The following ATP1A1 variants were observed in gnomAD, a reference collection of about 807,000 sequenced individuals.
The protein encoded by ATP1A1 is ATPase Na+/K+ transporting subunit alpha 1, also known as sodium/potassium-transporting ATPase subunit alpha-1.
In ATP1A1, 14 loss-of-function variants were observed where a neutral mutation model predicts 114.8. The ratio of observed to expected loss-of-function variants is 0.12; its 90% CI spans 0.08 to 0.19. ATP1A1 has a LOEUF of 0.19. ATP1A1 is among the 10% of genes least tolerant of loss of function. The probability of loss-of-function intolerance (pLI) is 1.00; values close to 1 mark genes in which losing one functional copy is unlikely to be tolerated. For missense variants in ATP1A1, 524 were observed against 1,290.7 expected (o/e 0.41, Z 9.10); for synonymous variants, 471 against 466.3 (o/e 1.01, Z -0.13).
Position 116,388,034 on chromosome 1 carries a change from C to G in ATP1A1, c.388-97C>G. 2 of 769,022 alleles carry G rather than the reference C, an allele frequency of 2.6e-6. No homozygotes were observed. The highest frequency in any genetic ancestry group is 5.2e-5 in the East Asian group (2 of 38,422). The allele number at this position is 769,022 out of a possible 1,614,324, so 47.6% of individuals were successfully genotyped here. A position where few individuals can be genotyped will look rare whatever the true frequency, so the allele number is the denominator to read the frequency against. On this transcript the variant is annotated intron_variant, in intron 4 of 22. Transcript: ENST00000295598. This position sits in a 1 kb window ranked among gnomAD's most constrained non-coding sequence, Gnocchi z 5.6. ...CTATATTTCTGAAATCTTGGTTTCTCTATTAAAAATCTGTTTTTTATTCAG... is the reference window on the plus strand; with the variant it reads ...CTATATTTCTGAAATCTTGGTTTCTGTATTAAAAATCTGTTTTTTATTCAG...
Position 116,392,876 on chromosome 1 carries a change from C to CT in ATP1A1, c.1356dup (p.Glu453Ter). 1 of 1,613,340 alleles carries CT rather than the reference C, an allele frequency of 6.2e-7. No individual in the cohort carries two copies. The highest frequency in any genetic ancestry group is 8.5e-7 in the Non-Finnish European group (1 of 1,179,698). ...CAGCGGGCAGTTGCAGGAGATGCCTCTGAGTCAGCACTCTTAAAGTGCATA... is the reference window on the plus strand; with the variant it reads ...CAGCGGGCAGTTGCAGGAGATGCCTCTTGAGTCAGCACTCTTAAAGTGCATA... On this transcript the variant is annotated frameshift_variant, in exon 11 of 23. Transcript: ENST00000295598. LOFTEE classifies it high-confidence loss of function.
Position 116,384,031 on chromosome 1 carries a change from T to A in ATP1A1, c.30T>A (p.Tyr10Ter). 2 of 1,614,102 alleles carry A rather than the reference T, an allele frequency of 1.2e-6. No homozygotes were observed. The highest frequency in any genetic ancestry group is 1.7e-6 in the Non-Finnish European group (2 of 1,179,986). Residue 10 changes from tyrosine to a stop codon, truncating the protein, a stop_gained, in exon 2 of 23, where the codon TAT becomes TAA. Transcript: ENST00000295598. LOFTEE classifies it high-confidence loss of function. This position sits in a 1 kb window ranked among gnomAD's most constrained non-coding sequence, Gnocchi z 5.1. The part of the protein sequence containing the change: MGKGVGRDK[Y>*]EPAAVSEQGD... ...TCCTACAGGTTGGACGTGATAAGTA[T>A]GAGCCTGCAGCTGTTTCAGAACAAG...
chr1:116,389,117 A>G lies in ATP1A1; in HGVS notation c.754+98A>G, dbSNP rs1237928961. ...CACAATCTCTTGTTTTATTGGCTCC[A>G]TTTCTGAGAACTTGTGTCAAGCACA... On this transcript the variant is annotated intron_variant, in intron 7 of 22. Coordinates refer to ENST00000295598, the MANE Select transcript of ATP1A1 (RefSeq NM_000701.8). This position sits in a 1 kb window ranked among gnomAD's most constrained non-coding sequence, Gnocchi z 6.9. The G allele has an allele frequency of 2.5e-6, 3 of 1,185,064 alleles. No individual in the cohort carries two copies. Among genetic ancestry groups the G allele is most frequent in the East Asian group, 4.7e-5 (2 of 42,900 alleles). 73.4% of individuals were successfully genotyped at this position (1,185,064 alleles called of 1,614,324 possible).
At chr1:116,376,736 G>C (rs1651398738) in intron 1 of ATP1A1, among the ~76,000 whole-genome samples, 1 of 152,116 alleles carries the variant, frequency 6.6e-6, no homozygotes, top group African/African-American at 2.4e-5. Flanking sequence ...CTAAACCTGG[G>C]AAGATGGGGA....
intron 10 of ATP1A1, 100 bp downstream of exon 10, chr1:116,390,991 G>A (rs1247452921): frequency 1.1e-4 from 115 of 1,014,860 alleles, no homozygotes; most frequent in Non-Finnish European, 6.2e-5. Flanking sequence ...CTGTGTGACT[G>A]TTCACTGTAG....
chr1:116,374,019 G>A (rs1404479321), intron 1 of ATP1A1: 13 of 1,282,880 alleles, frequency 1.0e-5, no homozygotes, highest in Non-Finnish European at 1.3e-5. Context: ...CGCTCCGCCG[G>A]GGCCTCCTCC....
Position 116,404,333 on chromosome 1 carries a change from T to G in ATP1A1, c.3044-83T>G. ...CCGACCCCCATCATCCTCCGGTTGG[T>G]TTTCATCCCTGTTTCCCTCTGTAAT... On this transcript the variant is annotated intron_variant, in intron 22 of 22. Coordinates refer to ENST00000295598, the MANE Select transcript of ATP1A1 (RefSeq NM_000701.8). This position sits in a 1 kb window ranked among gnomAD's most constrained non-coding sequence, Gnocchi z 4.8. 1 of 1,581,016 alleles carries G rather than the reference T, an allele frequency of 6.3e-7. No individual in the cohort carries two copies. Among genetic ancestry groups the G allele is most frequent in the Non-Finnish European group, 8.7e-7 (1 of 1,152,834 alleles).
Position 116,389,847 on chromosome 1 carries a change from G to T in ATP1A1, c.1023+140G>T, listed in dbSNP as rs953283008. 6 of 1,271,546 alleles carry T rather than the reference G, an allele frequency of 4.7e-6. No homozygotes were observed. The highest frequency in any genetic ancestry group is 6.4e-6 in the Non-Finnish European group (6 of 939,892). 78.8% of individuals were successfully genotyped at this position (1,271,546 alleles called of 1,614,324 possible). ...TAGTTCTTCTTGAGAGCCACATCAC[G>T]TGGTGAATTTTGACAGTGAGAAAAC... On this transcript the variant is annotated intron_variant, in intron 8 of 22. Coordinates refer to ENST00000295598, the MANE Select transcript of ATP1A1 (RefSeq NM_000701.8). The surrounding 1 kb of genome is among the most constrained non-coding windows in gnomAD (Gnocchi z 6.9).
At position 116,388,418 on chromosome 1, in the gene ATP1A1, C is replaced by T. The variant is rs1379293574; in HGVS notation, c.501+174C>T. ...TTCCTTCTATCCAAAAAGTGGTAGC[C>T]TTTCTTTTGAATGTAAACTCTGAAT... On this transcript the variant is annotated intron_variant, in intron 5 of 22. Coordinates refer to ENST00000295598, the MANE Select transcript of ATP1A1 (RefSeq NM_000701.8). The surrounding 1 kb of genome is among the most constrained non-coding windows in gnomAD (Gnocchi z 5.6). 2 of 968,172 alleles carry T rather than the reference C, an allele frequency of 2.1e-6. No individual in the cohort carries two copies. The highest frequency in any genetic ancestry group is 3.0e-6 in the Non-Finnish European group (2 of 661,896). The allele number at this position is 968,172 out of a possible 1,614,324, so 60.0% of individuals were successfully genotyped here.
chr1:116,403,379 C>A (rs1653685921), intron 21 of ATP1A1, among the ~76,000 whole-genome samples: 2 of 152,198 alleles, frequency 1.3e-5, no homozygotes, highest in African/African-American at 4.8e-5. Flanking sequence ...TCCCCAGGAC[C>A]AGGCCTCAGA....
Position 116,381,298 on chromosome 1 carries a change from C to T in ATP1A1, c.13-2716C>T, listed in dbSNP as rs1444768409. Among the ~76,000 whole-genome samples the T allele has an allele frequency of 6.6e-5, 10 of 152,202 alleles. No homozygotes were observed. Among genetic ancestry groups the T allele is most frequent in the East Asian group, 3.8e-4 (2 of 5,204 alleles). ...CCTGATTCTACCACTGTTCATCTCA[C>T]GCAGTGTGCACTCCCTGACTCTGAA... On this transcript the variant is annotated intron_variant, in intron 1 of 22. Coordinates refer to ENST00000295598, the MANE Select transcript of ATP1A1 (RefSeq NM_000701.8). This position sits in a 1 kb window ranked among gnomAD's most constrained non-coding sequence, Gnocchi z 5.1.
intron 1 of ATP1A1, among the ~76,000 whole-genome samples, chr1:116,378,777 C>G (rs1039048243): frequency 2.6e-5 from 4 of 152,170 alleles, no homozygotes; most frequent in African/African-American, 9.7e-5. Context: ...TCAGGACTTA[C>G]TGGGAGTTGA....
chr1:116,403,986 G>C lies in ATP1A1; in HGVS notation c.3043+11G>C. On this transcript the variant is annotated intron_variant, in intron 22 of 22. Transcript: ENST00000295598. ...GGCGACGCCCTGGCGGTAATTATGG[G>C]CATTCTGACTTTGGTTGGAGGAGGA... The C allele has an allele frequency of 6.2e-7, 1 of 1,611,958 alleles. No homozygotes were observed. Among genetic ancestry groups the C allele is most frequent in the Admixed American group, 1.7e-5 (1 of 59,836 alleles).
At position 116,373,515 on chromosome 1, in the gene ATP1A1, G is replaced by T; in HGVS notation, c.4G>T (p.Gly2Trp). 2 of 1,493,022 alleles carry T rather than the reference G, an allele frequency of 1.3e-6. No homozygotes were observed. The highest frequency in any genetic ancestry group is 2.3e-5 in the Admixed American group (1 of 43,344). 92.5% of individuals were successfully genotyped at this position (1,493,022 alleles called of 1,614,324 possible). Reference protein sequence around the residue: MGKGVGRDKYEP... With the variant: MWKGVGRDKYEP... ...CCGGGCACTGAGCACCGCCACCATGGGGAAGGGGGTGAGTGTCCGGCGCGC... is the reference window on the plus strand; with the variant it reads ...CCGGGCACTGAGCACCGCCACCATGTGGAAGGGGGTGAGTGTCCGGCGCGC... The change falls in exon 1 of 23, where the codon GGG becomes TGG. Residue 2 changes from glycine to tryptophan, a missense_variant. This residue lies in a region of ATP1A1 where 33 missense variants were observed against 31.2 expected (regional missense o/e 1.06). Transcript: ENST00000295598.
At position 116,395,204 on chromosome 1, in the gene ATP1A1, T is replaced by C. The variant is rs1240299800; in HGVS notation, c.1755T>C (p.Phe585=). 6.2e-7 allele frequency: 1 copy of C among 1,614,068 alleles called. No individual in the cohort carries two copies. The highest frequency in any genetic ancestry group is 8.5e-7 in the Non-Finnish European group (1 of 1,180,036). The change falls in exon 13 of 23, where the codon TTT becomes TTC. Residue 585 remains phenylalanine (F), a synonymous_variant. Coordinates refer to ENST00000295598, the MANE Select transcript of ATP1A1 (RefSeq NM_000701.8). This position sits in a 1 kb window ranked among gnomAD's most constrained non-coding sequence, Gnocchi z 6.4. ...DVNFPIDNLC[F]VGLISMIDPP... ...ATTTCCCTATCGATAATCTGTGCTT[T>C]GTTGGGCTCATCTCCATGATTGACC...
At chr1:116,394,246 A>C (rs962445249) in intron 12 of ATP1A1, among the ~76,000 whole-genome samples, 2 of 152,192 alleles carry the variant, frequency 1.3e-5, no homozygotes, top group Non-Finnish European at 2.9e-5. Context: ...CCTGACAGCT[A>C]CTGAGGCTGA....
intron 1 of ATP1A1, among the ~76,000 whole-genome samples, chr1:116,383,084 CTA>C (rs1422092282): frequency 6.6e-6 from 1 of 152,120 alleles, no homozygotes; most frequent in African/African-American, 2.4e-5. Context: ...TAAATTTAAA[CTA>C]TAGAATCAAC....
chr1:116,400,950 G>A lies in ATP1A1; in HGVS notation c.2662G>A (p.Val888Met). ...FLPIHLLGLR[V>M]DWDDRWINDV... ...CCCAATTCACCTGTTGGGCCTCCGA[G>A]TGGACTGGGATGACCGCTGGATCAA... Residue 888 changes from valine (V) to methionine (M), a missense_variant, in exon 19 of 23, where the codon GTG becomes ATG. Physicochemically the swap from Val to Met is conservative, Grantham distance 21 (BLOSUM62 1). Around this residue, in one of 8 missense-constraint regions of ATP1A1, gnomAD observed 84 missense variants for 209.3 expected, o/e 0.40. Transcript: ENST00000295598. The A allele has an allele frequency of 1.2e-6, 2 of 1,614,232 alleles. No individual in the cohort carries two copies. The highest frequency in any genetic ancestry group is 8.5e-7 in the Non-Finnish European group (1 of 1,180,042).
Position 116,389,839 on chromosome 1 carries a change from C to T in ATP1A1, c.1023+132C>T, listed in dbSNP as rs374484661. On this transcript the variant is annotated intron_variant, in intron 8 of 22. Transcript: ENST00000295598. The surrounding 1 kb of genome is among the most constrained non-coding windows in gnomAD (Gnocchi z 6.9). ...GTTTGATATAGTTCTTCTTGAGAGCCACATCACGTGGTGAATTTTGACAGT... is the reference window on the plus strand; with the variant it reads ...GTTTGATATAGTTCTTCTTGAGAGCTACATCACGTGGTGAATTTTGACAGT... The T allele has an allele frequency of 3.8e-6, 5 of 1,307,910 alleles. No homozygotes were observed. Among genetic ancestry groups the T allele is most frequent in the Middle Eastern group, 2.4e-4 (1 of 4,116 alleles). 81.0% of individuals were successfully genotyped at this position (1,307,910 alleles called of 1,614,324 possible).
Sources: allele counts gnomAD v4.1 joint callset (sites outside exome capture counted in the v4.1 genomes callset), GRCh38; gene constraint gnomAD v4.1.1; regional missense constraint gnomAD v4.1.1; non-coding constraint Gnocchi (gnomAD v3.1); transcripts MANE v1.5; gene names NCBI Gene and HGNC (gene_info 2026-07-23, HGNC 2026-07-21).